SMAD5: variants seen among roughly 807,000 people sequenced by gnomAD.
SMAD5 encodes the protein MAD, mothers against decapentaplegic homolog 5.
In SMAD5, 9 loss-of-function variants were observed where a neutral mutation model predicts 43.1. The observed-to-expected ratio is 0.21, with a 90% confidence interval of 0.13 to 0.36. SMAD5 has a LOEUF of 0.36. Ranked by LOEUF, SMAD5 falls within the 10% of genes least tolerant of loss-of-function variation. The pLI, the probability that SMAD5 is intolerant of heterozygous loss-of-function variation, is 1.00. For synonymous variants in SMAD5, 190 were observed against 192.4 expected, an observed-to-expected ratio of 0.99 and a Z score of 0.10; for missense variants, 348 against 574.0, an observed-to-expected ratio of 0.61 and a Z score of 4.02.
chr5:136,138,503 C>T (rs1437723845), intron 1 of SMAD5, among the ~76,000 whole-genome samples: 1 of 152,058 alleles, frequency 6.6e-6, no homozygotes, highest in African/African-American at 2.4e-5. Flanking sequence ...CTTTTGGTTT[C>T]CTTCTCCTCT....
chr5:136,173,378 T>G (rs558782909), intron 6 of SMAD5, among the ~76,000 whole-genome samples: 5 of 152,324 alleles, frequency 3.3e-5, no homozygotes, highest in Admixed American at 6.5e-5. Flanking sequence ...GCATTTTGCT[T>G]CTTTAACTTG....
intron 2 of SMAD5, among the ~76,000 whole-genome samples, chr5:136,149,857 C>A (rs1753394010): frequency 6.6e-6 from 1 of 151,820 alleles, no homozygotes; most frequent in Non-Finnish European, 1.5e-5. Context: ...TGCTCCTCTC[C>A]CTGTGCTAGT....
rs145442579 is a variant in SMAD5, at chr5:136,170,606, A to G, written c.776-1828A>G. On this transcript the variant is annotated intron_variant, in intron 5 of 7. Coordinates refer to ENST00000545279, the MANE Select transcript of SMAD5 (RefSeq NM_005903.7). ...TATAAAGTACAGAATCATTTTGTCT[A>G]TATCCAAAAAATAGCTTGCAGGGAT... Among the ~76,000 whole-genome samples the G allele has an allele frequency of 5.4e-3, 822 of 152,266 alleles. 9 individuals carry two copies. Among genetic ancestry groups the G allele is most frequent in the African/African-American group, 0.018 (759 of 41,566 alleles).
chr5:136,173,426 A>G (rs923966892), intron 6 of SMAD5, among the ~76,000 whole-genome samples: 3 of 152,210 alleles, frequency 2.0e-5, no homozygotes, highest in Admixed American at 2.0e-4. Flanking sequence ...AAAGGTAAAT[A>G]AATATAATTG....
At chr5:136,164,580 C>G (rs1753932583) in intron 5 of SMAD5, among the ~76,000 whole-genome samples, 1 of 152,126 alleles carries the variant, frequency 6.6e-6, no homozygotes, top group African/African-American at 2.4e-5. Context: ...GGTTGTCTTA[C>G]TGAGTTGTAA....
At chr5:136,139,514 C>T (rs903349129) in intron 1 of SMAD5, among the ~76,000 whole-genome samples, 4 of 152,062 alleles carry the variant, frequency 2.6e-5, no homozygotes, top group Non-Finnish European at 5.9e-5. Flanking sequence ...CCATGATCTC[C>T]TTCATCAGGA....
intron 3 of SMAD5, among the ~76,000 whole-genome samples, chr5:136,158,760 G>A (rs1216012868): frequency 1.3e-5 from 2 of 152,238 alleles, no homozygotes; most frequent in East Asian, 3.9e-4. Context: ...TTAGCCAGGC[G>A]TGGTGGTCAG....
chr5:136,168,474 A>T (rs1473450324), intron 5 of SMAD5, among the ~76,000 whole-genome samples: 1 of 152,180 alleles, frequency 6.6e-6, no homozygotes, highest in African/African-American at 2.4e-5. Context: ...ATTAAGTGGA[A>T]GGTACAGAAA....
chr5:136,165,373 T>TG (rs985401761), intron 5 of SMAD5, among the ~76,000 whole-genome samples: 8 of 152,102 alleles, frequency 5.3e-5, no homozygotes, highest in African/African-American at 1.4e-4. Context: ...CCCTGTTTTT[T>TG]TTTGTTTGTT....
rs983400144 is a variant in SMAD5 at position 136,181,381 on chromosome 5, C to T, written c.*3901C>T. The stretch of plus-strand genomic sequence containing the variant: ...GGGTATGAATATAAATGTGTGTCAT[C>T]GTTATATTGTTCAGCTAGATGAGCA... On this transcript the variant is annotated 3_prime_UTR_variant, in exon 8 of 8. Coordinates refer to ENST00000545279, the MANE Select transcript of SMAD5 (RefSeq NM_005903.7). The T allele has an allele frequency of 6.6e-6, 1 of 152,010 alleles. No individual in the cohort carries two copies. The highest frequency in any genetic ancestry group is 2.4e-5 in the African/African-American group (1 of 41,398). 9.4% of individuals were successfully genotyped at this position (152,010 alleles called of 1,614,324 possible).
chr5:136,179,546 G>T lies in SMAD5; in HGVS notation c.*2066G>T, dbSNP rs1168209225. 6.6e-6 allele frequency: 1 copy of T among 152,062 alleles called. No individual in the cohort carries two copies. Among genetic ancestry groups the T allele is most frequent in the Non-Finnish European group, 1.5e-5 (1 of 68,008 alleles). 9.4% of individuals were successfully genotyped at this position (152,062 alleles called of 1,614,324 possible). On this transcript the variant is annotated 3_prime_UTR_variant, in exon 8 of 8. Coordinates refer to ENST00000545279, the MANE Select transcript of SMAD5 (RefSeq NM_005903.7). Reference sequence around the variant, plus strand: ...TGTCATTATTTATTGCTTTTTCAATGTGCAGCCAGTGGATGGTTTTAGTTC... The same window carrying T: ...TGTCATTATTTATTGCTTTTTCAATTTGCAGCCAGTGGATGGTTTTAGTTC...
At chr5:136,172,147 AT>A (rs1198512279) in intron 5 of SMAD5, among the ~76,000 whole-genome samples, 1 of 152,086 alleles carries the variant, frequency 6.6e-6, no homozygotes, top group African/African-American at 2.4e-5. Context: ...TGAGAAATAA[AT>A]TTCTGTTGTT....
chr5:136,165,662 A>G (rs1472301360), intron 5 of SMAD5, among the ~76,000 whole-genome samples: 1 of 65,456 alleles, frequency 1.5e-5, no homozygotes, highest in Non-Finnish European at 3.0e-5. Context: ...GAATCATACA[A>G]TTTTTTTTTT....
At chr5:136,163,533 G>T in intron 5 of SMAD5, 142 bp downstream of exon 5, 5 of 548,660 alleles carry the variant, frequency 9.1e-6, no homozygotes, top group Admixed American at 3.9e-5. Context: ...CAAAGATTTT[G>T]GTAAATACAC....
chr5:136,175,366 G>C (rs1485862594), intron 7 of SMAD5, among the ~76,000 whole-genome samples: 1 of 152,092 alleles, frequency 6.6e-6, no homozygotes, highest in East Asian at 1.9e-4. Context: ...GATTTCATTA[G>C]GGTGACTTGG....
intron 1 of SMAD5, among the ~76,000 whole-genome samples, chr5:136,143,419 T>C (rs1172550131): frequency 6.6e-6 from 1 of 151,960 alleles, no homozygotes; most frequent in Non-Finnish European, 1.5e-5. Context: ...TCTTCGAACA[T>C]GTCTTTCGGC....
intron 5 of SMAD5, among the ~76,000 whole-genome samples, chr5:136,168,362 C>T (rs1410286986): frequency 6.6e-6 from 1 of 151,804 alleles, no homozygotes; most frequent in African/African-American, 2.4e-5. Flanking sequence ...TAAACATATA[C>T]CTCTATTTAC....
chr5:136,167,777 C>CAA (rs1016927753), intron 5 of SMAD5, among the ~76,000 whole-genome samples: 11 of 56,390 alleles, frequency 2.0e-4, no homozygotes, highest in African/African-American at 2.0e-4. Flanking sequence ...GATTCCATCT[C>CAA]AAAAAAAAAA....
intron 3 of SMAD5, among the ~76,000 whole-genome samples, chr5:136,160,156 C>T (rs1418020083): frequency 6.6e-6 from 1 of 152,110 alleles, no homozygotes; most frequent in African/African-American, 2.4e-5. Context: ...TGTATATTTT[C>T]ATTATGGTCA....
Sources: gnomAD v4.1 joint callset for allele counts (sites outside exome capture counted in the v4.1 genomes callset) on GRCh38, gnomAD v4.1.1 for gene constraint, MANE v1.5 for transcripts, NCBI Gene and HGNC (gene_info 2026-07-23, HGNC 2026-07-21) for gene names.